The following ARHGEF10L variants were observed in gnomAD, a reference collection of about 807,000 sequenced individuals.
ARHGEF10L encodes the protein rho guanine nucleotide exchange factor 10-like protein.
Under a neutral mutation model 141.2 loss-of-function variants are expected in ARHGEF10L, and 69 were observed. The ratio of observed to expected loss-of-function variants is 0.49; its 90% CI spans 0.40 to 0.60. The LOEUF is 0.60. Ranked by LOEUF, ARHGEF10L falls within the 20% of genes least tolerant of loss-of-function variation. The probability of loss-of-function intolerance (pLI) is 0.00; values close to 1 mark genes in which losing one functional copy is unlikely to be tolerated. For missense variants in ARHGEF10L, 1,482 were observed against 1,734.3 expected (o/e 0.85, Z 2.58); for synonymous variants, 711 against 718.5 (o/e 0.99, Z 0.17).
At chr1:17,651,674 C>A (rs35100825) in intron 22 of ARHGEF10L, among the ~76,000 whole-genome samples, 3,953 of 152,242 alleles carry the variant, frequency 0.026, 68 homozygotes, top group Middle Eastern at 0.075. Flanking sequence ...CTCCTCAGTG[C>A]GAGCTCTCAG....
At chr1:17,540,183 T>C (rs998992239) in intron 1 of ARHGEF10L, among the ~76,000 whole-genome samples, 1 of 152,044 alleles carries the variant, frequency 6.6e-6, no homozygotes, top group African/African-American at 2.4e-5. Flanking sequence ...GTTCTGGTGT[T>C]ACTAGGGCGA....
rs539114174 is a variant in ARHGEF10L at position 17,607,823 on chromosome 1, A to G, written c.455A>G (p.Tyr152Cys). The G allele has an allele frequency of 6.9e-6, 11 of 1,590,998 alleles. No homozygotes were observed. ...HQPGAERNLL[Y>C]EDAHRAGAPR... The stretch of plus-strand genomic sequence containing the variant: ...GCAGGGGCAGAGAGGAACCTGCTCT[A>G]CGAGGATGCGCACCGGGCTGGGGCC... The change falls in exon 7 of 29, where the codon TAC becomes TGC. Residue 152 changes from tyrosine (Y) to cysteine (C), a missense_variant. Transcript: ENST00000361221. The surrounding 1 kb of genome is among the most constrained non-coding windows in gnomAD (Gnocchi z 4.5).
At chr1:17,532,944 G>A in the ARHGEF10L span, among the ~76,000 whole-genome samples, 75 of 152,232 alleles carry the variant, frequency 4.9e-4, no homozygotes, top group East Asian at 9.5e-3. Context: ...GCTAAAGCAC[G>A]GTGCTGGGTA....
intron 1 of ARHGEF10L, among the ~76,000 whole-genome samples, chr1:17,569,389 G>T (rs2077895503): frequency 6.6e-6 from 1 of 152,220 alleles, no homozygotes; most frequent in Non-Finnish European, 1.5e-5. Context: ...GTGTGGCTGA[G>T]GGCCCCCGGG....
intron 1 of ARHGEF10L, among the ~76,000 whole-genome samples, chr1:17,549,812 C>T (rs933016950): frequency 4.6e-5 from 7 of 152,112 alleles, no homozygotes; most frequent in African/African-American, 1.7e-4. Context: ...CACCTTTTTC[C>T]AATAATTTAT....
In ARHGEF10L at chr1:17,676,042, A is replaced by G. The variant is rs2063675805; in HGVS notation, c.3009+11447A>G. On this transcript the variant is annotated intron_variant, in intron 26 of 28. Transcript: ENST00000361221. ...CAGGTATGTGTGCAGGTATGGATGC[A>G]GGTGTAGGTGCAGGCATGGGTGCAG... Among the ~76,000 whole-genome samples, 5 of 138,132 alleles carry G rather than the reference A, an allele frequency of 3.6e-5. 1 individual carries two copies. In the South Asian group the frequency reaches 1.2e-3, roughly 33 times the overall value. 90.6% of individuals were successfully genotyped at this position (138,132 alleles called of 152,430 possible). A position where few individuals can be genotyped will look rare whatever the true frequency, so the allele number is the denominator to read the frequency against.
At chr1:17,687,244 C>T (rs535524719) in intron 26 of ARHGEF10L, among the ~76,000 whole-genome samples, 54 of 152,260 alleles carry the variant, frequency 3.5e-4, no homozygotes, top group Middle Eastern at 3.4e-3. Context: ...CGTGAGTGAG[C>T]GTGTGCATGT....
In ARHGEF10L at chr1:17,605,341, C is replaced by A. The variant is rs77430681; in HGVS notation, c.433+1750C>A. Among the ~76,000 whole-genome samples, 928 of 152,232 alleles carry A rather than the reference C, an allele frequency of 6.1e-3. 7 individuals carry two copies. Among genetic ancestry groups the A allele is most frequent in the Middle Eastern group, 0.01 (3 of 294 alleles). On this transcript the variant is annotated intron_variant, in intron 6 of 28. Transcript: ENST00000361221. ...CGGGGTCCTGACCAATCTCTCTGGG[C>A]CTCAGTTGACCCATCTGTAGAACTG...
intron 1 of ARHGEF10L, among the ~76,000 whole-genome samples, chr1:17,552,397 T>A (rs553634888): frequency 8.4e-4 from 127 of 152,032 alleles, no homozygotes; most frequent in African/African-American, 2.9e-3. Flanking sequence ...CTTGTTTCAA[T>A]CTATCTTTTT....
chr1:17,660,319 G>A (rs1311671450), intron 25 of ARHGEF10L, among the ~76,000 whole-genome samples: 2 of 152,164 alleles, frequency 1.3e-5, no homozygotes, highest in Admixed American at 6.5e-5. Context: ...TCAGGCTGCC[G>A]GGATTGAGTC....
At chr1:17,668,073 G>C (rs556151652) in intron 26 of ARHGEF10L, among the ~76,000 whole-genome samples, 2 of 152,334 alleles carry the variant, frequency 1.3e-5, no homozygotes, top group African/African-American at 4.8e-5. Context: ...CCAGTGGGGA[G>C]TTAGCAGGAG....
rs752271367 is a variant in ARHGEF10L, at chr1:17,656,644, C to T, written c.2796C>T (p.His932=). Residue 932 remains histidine (H), a synonymous_variant, in exon 25 of 29, where the codon CAC becomes CAT. Transcript: ENST00000361221. The surrounding 1 kb of genome is among the most constrained non-coding windows in gnomAD (Gnocchi z 4.9). ...TGCAGCCTGTGCTCTGCCTGCGACA[C>T]AGCCCCTTCCACCTGCTCGCTGGCC... ...PGLQPVLCLR[H]SPFHLLAGLQ... is the part of the protein sequence containing the mutation. 1.9e-6 allele frequency: 3 copies of T among 1,613,606 alleles called. No individual in the cohort carries two copies. The highest frequency in any genetic ancestry group is 1.1e-5 in the South Asian group (1 of 91,080).
intron 9 of ARHGEF10L, among the ~76,000 whole-genome samples, chr1:17,617,669 G>A (rs2059881151): frequency 6.6e-6 from 1 of 152,246 alleles, no homozygotes; most frequent in South Asian, 2.1e-4. Context: ...CTCGAGCCAG[G>A]CAGGACTTTG....
In ARHGEF10L at chr1:17,588,574, G is replaced by C; in HGVS notation, c.257+95G>C. 4.0e-6 allele frequency: 6 copies of C among 1,503,560 alleles called. No homozygotes were observed. The Admixed American group carries it at 8.5e-5, about 21-fold the overall frequency. 93.1% of individuals were successfully genotyped at this position (1,503,560 alleles called of 1,614,324 possible). A position where few individuals can be genotyped will look rare whatever the true frequency, so the allele number is the denominator to read the frequency against. ...GGTGGAGCTGAGGCCCAGAGGACCC[G>C]ACTGGTCTTTGGCTAAGGAGGAAAG... On this transcript the variant is annotated intron_variant, in intron 4 of 28. Transcript: ENST00000361221.
chr1:17,592,630 G>A (rs1032216934), intron 4 of ARHGEF10L, among the ~76,000 whole-genome samples: 1 of 152,170 alleles, frequency 6.6e-6, no homozygotes, highest in Admixed American at 6.5e-5. Flanking sequence ...TGCTAGGTGT[G>A]GGGGACATAG....
At chr1:17,646,345 G>A (rs2061598695) in intron 21 of ARHGEF10L, among the ~76,000 whole-genome samples, 1 of 152,190 alleles carries the variant, frequency 6.6e-6, no homozygotes, top group South Asian at 2.1e-4. Context: ...TTTGATGAAA[G>A]CGAGTCAGAT....
At chr1:17,638,741 G>T (rs1474917984) in intron 20 of ARHGEF10L, 52 bp downstream of exon 20, 6 of 1,608,590 alleles carry the variant, frequency 3.7e-6, no homozygotes, top group Non-Finnish European at 4.2e-6. Flanking sequence ...TGGGCTTCCA[G>T]TGGAGCAGGG....
chr1:17,614,637 A>G (rs1477554729), intron 8 of ARHGEF10L, among the ~76,000 whole-genome samples: 2 of 151,834 alleles, frequency 1.3e-5, no homozygotes, highest in Non-Finnish European at 1.5e-5. Flanking sequence ...ATGAGCGTCT[A>G]TGCCATCCCT....
In ARHGEF10L at chr1:17,673,862, A is replaced by G. The variant is rs2063479664; in HGVS notation, c.3009+9267A>G. 6.6e-6 allele frequency among the ~76,000 whole-genome samples: 1 copy of G among 152,142 alleles called. No individual in the cohort carries two copies. The highest frequency in any genetic ancestry group is 1.5e-5 in the Non-Finnish European group (1 of 68,022). On this transcript the variant is annotated intron_variant, in intron 26 of 28. Transcript: ENST00000361221. The surrounding 1 kb of genome is among the most constrained non-coding windows in gnomAD (Gnocchi z 4.1). ...CCCAGGGCTGTGCCTGGTGGGAGGAAGCACCACGTGTCAGTTGTTGTGTCA... is the reference window on the plus strand; with the variant it reads ...CCCAGGGCTGTGCCTGGTGGGAGGAGGCACCACGTGTCAGTTGTTGTGTCA...
Sources: allele counts gnomAD v4.1 joint callset (sites outside exome capture counted in the v4.1 genomes callset), GRCh38; gene constraint gnomAD v4.1.1; non-coding constraint Gnocchi (gnomAD v3.1); transcripts MANE v1.5; gene names NCBI Gene and HGNC (gene_info 2026-07-23, HGNC 2026-07-21).